The following SLC1A6 variants were observed in gnomAD, a reference collection of about 807,000 sequenced individuals.
SLC1A6 encodes the protein solute carrier family 1 member 6.
Under a neutral mutation model 42.1 loss-of-function variants are expected in SLC1A6, and 15 were observed. The ratio of observed to expected loss-of-function variants is 0.36; its 90% CI spans 0.24 to 0.55. The LOEUF is 0.55. SLC1A6 is among the 20% of genes least tolerant of loss of function. The pLI is 0.88. For synonymous variants in SLC1A6, 317 were observed against 319.7 expected, an observed-to-expected ratio of 0.99 and a Z score of 0.09; for missense variants, 542 against 772.5, an observed-to-expected ratio of 0.70 and a Z score of 3.54.
intron 2 of SLC1A6, 119 bp from the exon 3 acceptor site, chr19:14,971,993 AGTGT>A (rs1309761152): frequency 1.6e-5 from 15 of 919,664 alleles, no homozygotes; most frequent in Non-Finnish European, 2.5e-5. Context: ...ATATCCTATG[AGTGT>A]GTGTATTTGT....
intron 1 of SLC1A6, among the ~76,000 whole-genome samples, chr19:15,008,752 G>C (rs1250991601): frequency 6.6e-6 from 1 of 151,962 alleles, no homozygotes; most frequent in Non-Finnish European, 1.5e-5. Context: ...GGGAGGTCAA[G>C]GAAGTCGAAT....
chr19:15,003,543 G>C (rs1265785947), intron 1 of SLC1A6, among the ~76,000 whole-genome samples: 1 of 151,908 alleles, frequency 6.6e-6, no homozygotes, highest in Non-Finnish European at 1.5e-5. Context: ...AGAAAGAGGG[G>C]CACCTACTAA....
chr19:14,953,085 G>C (rs779461227), intron 8 of SLC1A6, 23 bp from the exon 9 acceptor site: 12 of 1,594,216 alleles, frequency 7.5e-6, no homozygotes, highest in Non-Finnish European at 3.4e-6. Context: ...GGAGAACATG[G>C]GGAGCAGATG....
intron 3 of SLC1A6, among the ~76,000 whole-genome samples, chr19:14,970,743 C>G (rs1340687149): frequency 6.6e-6 from 1 of 151,672 alleles, no homozygotes; most frequent in Non-Finnish European, 1.5e-5. Flanking sequence ...ATAATACTTA[C>G]AGCATACAAA....
rs1167475078 is a variant in SLC1A6 at position 14,979,034 on chromosome 19, T to C, written c.-8+275A>G. Reference sequence around the variant, plus strand: ...ACGGCGATCCCACTCACAAATTCAGTCTCTCTCTCTCTCTGTCACACACAC... The same window carrying C: ...ACGGCGATCCCACTCACAAATTCAGCCTCTCTCTCTCTCTGTCACACACAC... On this transcript the variant is annotated intron_variant, in intron 1 of 9. Transcript: ENST00000594383. This position sits in a 1 kb window ranked among gnomAD's most constrained non-coding sequence, Gnocchi z 4.2. Among the ~76,000 whole-genome samples the C allele has an allele frequency of 7.7e-6, 1 of 130,476 alleles. No homozygotes were observed. The highest frequency in any genetic ancestry group is 1.6e-5 in the Non-Finnish European group (1 of 63,438). 85.6% of individuals were successfully genotyped at this position (130,476 alleles called of 152,430 possible).
chr19:14,957,099 C>G (rs951497158), intron 6 of SLC1A6, among the ~76,000 whole-genome samples: 1 of 152,056 alleles, frequency 6.6e-6, no homozygotes, highest in African/African-American at 2.4e-5. Flanking sequence ...TCTAAGCTTC[C>G]CTTATCTTCT....
chr19:14,951,253 C>CAAAAAAA (rs1164185118), intron 9 of SLC1A6, among the ~76,000 whole-genome samples: 17 of 86,832 alleles, frequency 2.0e-4, no homozygotes, highest in East Asian at 4.1e-4. Context: ...CTCTGTCTCA[C>CAAAAAAA]AAAAAAAAAA....
At chr19:14,988,215 G>A (rs570823333) in intron 1 of SLC1A6, among the ~76,000 whole-genome samples, 3 of 152,316 alleles carry the variant, frequency 2.0e-5, no homozygotes, top group South Asian at 2.1e-4. Context: ...GGGGCCCGTT[G>A]TATGAGGGTG....
intron 1 of SLC1A6, among the ~76,000 whole-genome samples, chr19:14,999,342 C>A (rs1205850094): frequency 6.6e-6 from 1 of 152,136 alleles, no homozygotes; most frequent in Non-Finnish European, 1.5e-5. Flanking sequence ...ATTGGAAAAT[C>A]TTTGAATCCA....
chr19:14,956,730 C>T lies in SLC1A6; in HGVS notation c.936-21G>A, dbSNP rs189547613. 26 of 1,522,864 alleles carry T rather than the reference C, an allele frequency of 1.7e-5. No individual in the cohort carries two copies. The East Asian group carries it at 5.2e-4, about 30-fold the overall frequency. 94.3% of individuals were successfully genotyped at this position (1,522,864 alleles called of 1,614,324 possible). On this transcript the variant is annotated intron_variant, in intron 6 of 9. Coordinates refer to ENST00000594383, the MANE Select transcript of SLC1A6 (RefSeq NM_005071.3). ...CATACCTGTGTGAGGGAGCCACATACCTGTCAGGGCTCCCTCCTGACCTCC... is the reference window on the plus strand; with the variant it reads ...CATACCTGTGTGAGGGAGCCACATATCTGTCAGGGCTCCCTCCTGACCTCC...
chr19:14,983,586 G>C (rs2045778375), upstream of SLC1A6, among the ~76,000 whole-genome samples: 1 of 151,958 alleles, frequency 6.6e-6, no homozygotes, highest in East Asian at 1.9e-4. Flanking sequence ...TACTCAGGAG[G>C]CTGAGGCGGG....
intron 4 of SLC1A6, among the ~76,000 whole-genome samples, chr19:14,967,158 A>C (rs761658873): frequency 1.5e-4 from 23 of 152,324 alleles, no homozygotes; most frequent in Admixed American, 1.0e-3. Flanking sequence ...TCATATCCTA[A>C]GATCATATTC....
chr19:14,972,413 ATATG>A (rs1314829947), intron 2 of SLC1A6, among the ~76,000 whole-genome samples: 1 of 146,640 alleles, frequency 6.8e-6, no homozygotes, highest in Non-Finnish European at 1.5e-5. Flanking sequence ...CAATGCACGC[ATATG>A]TGTGTGTGCA....
intron 1 of SLC1A6, among the ~76,000 whole-genome samples, chr19:15,008,007 A>C (rs2045904456): frequency 7.0e-6 from 1 of 143,626 alleles, no homozygotes; most frequent in East Asian, 2.1e-4. Flanking sequence ...CTTGGGAAAC[A>C]AGATCAAAAG....
chr19:14,997,458 T>C (rs1029825516), intron 1 of SLC1A6, among the ~76,000 whole-genome samples: 1 of 152,206 alleles, frequency 6.6e-6, no homozygotes, highest in African/African-American at 2.4e-5. Context: ...AATTGACTGA[T>C]AATTGTCTCA....
intron 6 of SLC1A6, among the ~76,000 whole-genome samples, chr19:14,958,628 C>T (rs2145173787): frequency 6.6e-6 from 1 of 152,202 alleles, no homozygotes; most frequent in South Asian, 2.1e-4. Context: ...CTAGATCCAC[C>T]TCTATGCTTA....
intron 4 of SLC1A6, among the ~76,000 whole-genome samples, chr19:14,967,217 T>C (rs1250852009): frequency 1.3e-5 from 2 of 152,056 alleles, no homozygotes; most frequent in African/African-American, 2.4e-5. Flanking sequence ...AGGGCAGAAA[T>C]TGGGTACCAC....
intron 9 of SLC1A6, among the ~76,000 whole-genome samples, chr19:14,952,352 T>A (rs1186163100): frequency 6.6e-6 from 1 of 150,742 alleles, no homozygotes; most frequent in Non-Finnish European, 1.5e-5. Flanking sequence ...ATCGAGACCA[T>A]CCTGGCTAAC....
chr19:14,957,262 T>G (rs2045471643), intron 6 of SLC1A6, among the ~76,000 whole-genome samples: 1 of 152,166 alleles, frequency 6.6e-6, no homozygotes, highest in African/African-American at 2.4e-5. Flanking sequence ...TCCACAGATA[T>G]TGACTGAGTA....
Sources: allele counts gnomAD v4.1 joint callset (sites outside exome capture counted in the v4.1 genomes callset), GRCh38; gene constraint gnomAD v4.1.1; non-coding constraint Gnocchi (gnomAD v3.1); transcripts MANE v1.5; gene names NCBI Gene and HGNC (gene_info 2026-07-23, HGNC 2026-07-21).